ANK3: variants seen among roughly 807,000 people sequenced by gnomAD.
ANK3 encodes ankyrin-3.
Under a neutral mutation model 370.9 loss-of-function variants are expected in ANK3, and 57 were observed. The ratio of observed to expected loss-of-function variants is 0.15; its 90% CI spans 0.12 to 0.19. The LOEUF (loss-of-function observed/expected upper bound fraction) is 0.19. Ranked by LOEUF, ANK3 falls within the 10% of genes least tolerant of loss-of-function variation. The pLI, the probability that ANK3 is intolerant of heterozygous loss-of-function variation, is 1.00. For missense variants in ANK3, 4,439 were observed against 5,302.1 expected (o/e 0.84, Z 5.06); for synonymous variants, 1,929 against 1,946.3 (o/e 0.99, Z 0.23).
chr10:60,311,492 A>G (rs1001637717), intron 1 of ANK3, among the ~76,000 whole-genome samples: 3 of 142,874 alleles, frequency 2.1e-5, no homozygotes, highest in Non-Finnish European at 4.6e-5. Flanking sequence ...AAAAAAAAAA[A>G]AAAGAGAGAG....
At chr10:60,106,160 G>C in intron 27 of ANK3, 101 bp from the exon 28 acceptor site, 2 of 1,062,006 alleles carry the variant, frequency 1.9e-6, no homozygotes, top group Non-Finnish European at 2.6e-6. Flanking sequence ...AAAATCAGAG[G>C]TGCCACTAAG....
At position 60,270,352 on chromosome 10, in the gene ANK3, T is replaced by C. The variant is rs1350796471; in HGVS notation, c.415-123A>G. On this transcript the variant is annotated intron_variant, in intron 4 of 43. Transcript: ENST00000280772. Reference sequence around the variant, plus strand: ...CAATAACTTTAATAATACTTTCATATAGATATAAATATTTATTAGAAAACC... The same window carrying C: ...CAATAACTTTAATAATACTTTCATACAGATATAAATATTTATTAGAAAACC... The C allele has an allele frequency of 6.3e-6, 3 of 478,702 alleles. No homozygotes were observed. The South Asian group carries it at 1.9e-4, about 30-fold the overall frequency. The allele number at this position is 478,702 out of a possible 1,614,324, so 29.7% of individuals were successfully genotyped here. A position where few individuals can be genotyped will look rare whatever the true frequency, so the allele number is the denominator to read the frequency against.
chr10:60,374,299 T>G (rs775512581), intron 1 of ANK3, among the ~76,000 whole-genome samples: 47 of 152,162 alleles, frequency 3.1e-4, no homozygotes, highest in Non-Finnish European at 5.9e-4. Context: ...AGAAAAACTA[T>G]ACTTCCATGT....
chr10:60,707,491 G>A (rs2079637099), intron 1 of ANK3, among the ~76,000 whole-genome samples: 1 of 151,984 alleles, frequency 6.6e-6, no homozygotes, highest in Non-Finnish European at 1.5e-5. Context: ...ATAATTAATA[G>A]AATGTGGCAG....
At chr10:60,383,315 G>A (rs1019543830) in intron 1 of ANK3, among the ~76,000 whole-genome samples, 2 of 152,170 alleles carry the variant, frequency 1.3e-5, no homozygotes, top group Non-Finnish European at 2.9e-5. Flanking sequence ...GCCAAGCACT[G>A]TTTTAATATT....
intron 1 of ANK3, among the ~76,000 whole-genome samples, chr10:60,722,871 C>T (rs546950763): frequency 2.0e-5 from 3 of 152,302 alleles, no homozygotes; most frequent in Admixed American, 1.3e-4. Context: ...AAATTGGAAG[C>T]TTCCTGATGC....
chr10:60,222,485 T>C (rs1350004187), intron 8 of ANK3, among the ~76,000 whole-genome samples: 1 of 152,036 alleles, frequency 6.6e-6, no homozygotes, highest in Non-Finnish European at 1.5e-5. Context: ...CACTTTTTGG[T>C]TAAAAAAATA....
intron 1 of ANK3, among the ~76,000 whole-genome samples, chr10:60,729,654 A>T (rs1166822420): frequency 6.6e-6 from 1 of 152,194 alleles, no homozygotes; most frequent in East Asian, 1.9e-4. Context: ...TTCATATTTT[A>T]AAGCTCTAAC....
chr10:60,164,278 G>C (rs1253806612), intron 23 of ANK3, among the ~76,000 whole-genome samples: 1 of 152,078 alleles, frequency 6.6e-6, no homozygotes, highest in Non-Finnish European at 1.5e-5. Flanking sequence ...TGAATTAAAA[G>C]TGTATTATAA....
chr10:60,226,088 G>T (rs2097134918), intron 8 of ANK3, among the ~76,000 whole-genome samples: 1 of 138,628 alleles, frequency 7.2e-6, no homozygotes, highest in African/African-American at 2.7e-5. Context: ...AGAGGATATA[G>T]TATATATCTA....
At chr10:60,527,428 G>A (rs1160294912) in intron 2 of ANK3, among the ~76,000 whole-genome samples, 1 of 151,836 alleles carries the variant, frequency 6.6e-6, no homozygotes. Flanking sequence ...GAGAGAGAAG[G>A]GTTCAGAAAT....
At chr10:60,567,199 G>C (rs943221697) in intron 2 of ANK3, among the ~76,000 whole-genome samples, 1 of 152,176 alleles carries the variant, frequency 6.6e-6, no homozygotes, top group Non-Finnish European at 1.5e-5. Context: ...ATCCTACCTA[G>C]GACTGTCACA....
chr10:60,514,921 G>C (rs2076179808), intron 2 of ANK3, among the ~76,000 whole-genome samples: 1 of 152,092 alleles, frequency 6.6e-6, no homozygotes, highest in African/African-American at 2.4e-5. Context: ...TTATTGTAGA[G>C]AGTTGTGTCT....
At chr10:60,331,813 T>C (rs1215923137) in intron 1 of ANK3, among the ~76,000 whole-genome samples, 1 of 152,172 alleles carries the variant, frequency 6.6e-6, no homozygotes, top group African/African-American at 2.4e-5. Context: ...TATTAATTTA[T>C]TGCAAGAAGC....
chr10:60,086,147 T>C (rs1390795853), intron 30 of ANK3, among the ~76,000 whole-genome samples: 1 of 152,206 alleles, frequency 6.6e-6, no homozygotes, highest in Non-Finnish European at 1.5e-5. Context: ...TCCAGGTGCT[T>C]ATCACAAAAT....
intron 1 of ANK3, among the ~76,000 whole-genome samples, chr10:60,721,443 G>C (rs1185706000): frequency 6.6e-6 from 1 of 152,156 alleles, no homozygotes; most frequent in African/African-American, 2.4e-5. Context: ...AAACTGTTTT[G>C]GGTCAAGATG....
chr10:60,445,810 C>A (rs377380877), intron 2 of ANK3, among the ~76,000 whole-genome samples: 39 of 152,294 alleles, frequency 2.6e-4, no homozygotes, highest in African/African-American at 9.1e-4. Context: ...TCTTGTTTCC[C>A]AGGCCTGTTA....
intron 1 of ANK3, among the ~76,000 whole-genome samples, chr10:60,696,051 A>T (rs1348509532): frequency 6.6e-6 from 1 of 151,102 alleles, no homozygotes; most frequent in Non-Finnish European, 1.5e-5. Flanking sequence ...TAGACGCAAT[A>T]AAAAATGATA....
At chr10:60,253,345 G>A (rs1355858122) in intron 7 of ANK3, among the ~76,000 whole-genome samples, 1 of 152,166 alleles carries the variant, frequency 6.6e-6, no homozygotes, top group African/African-American at 2.4e-5. Flanking sequence ...AGAGTCCAGA[G>A]TCCAGCACGT....
Sources: gnomAD v4.1 joint callset for allele counts (sites outside exome capture counted in the v4.1 genomes callset) on GRCh38, gnomAD v4.1.1 for gene constraint, MANE v1.5 for transcripts, NCBI Gene and HGNC (gene_info 2026-07-23, HGNC 2026-07-21) for gene names.